CNTNAP5: variants seen among roughly 807,000 people sequenced by gnomAD.
The protein encoded by CNTNAP5 is contactin-associated protein-like 5.
A neutral mutation model predicts 150.2 loss-of-function variants in CNTNAP5; 72 were observed. The observed-to-expected ratio is 0.48, with a 90% CI of 0.40 to 0.58. The LOEUF (loss-of-function observed/expected upper bound fraction) is 0.58, where lower values mean the gene tolerates loss of function less well. Ranked by LOEUF, CNTNAP5 falls within the 20% of genes least tolerant of loss-of-function variation. CNTNAP5 has a pLI of 0.00. For missense variants in CNTNAP5, 1,636 were observed against 1,626.2 expected (o/e 1.01, Z -0.10); for synonymous variants, 672 against 619.8 (o/e 1.08, Z -1.25).
In CNTNAP5 at chr2:124,034,312, C is replaced by T. The variant is rs1019159781; in HGVS notation, c.82+8580C>T. 4.9e-4 allele frequency among the ~76,000 whole-genome samples: 75 copies of T among 152,282 alleles called. 1 individual carries two copies. Among genetic ancestry groups the T allele is most frequent in the Admixed American group, 4.6e-3 (71 of 15,290 alleles). ...ATTAATGAAACTCAGCATGGATTTT[C>T]TCATAATAACTAATAATACAGTGTA... is the stretch of plus-strand genomic sequence containing the variant. On this transcript the variant is annotated intron_variant, in intron 1 of 23. Transcript: ENST00000682447.
At chr2:124,813,467 G>A (rs376833893) in intron 19 of CNTNAP5, among the ~76,000 whole-genome samples, 1 of 151,350 alleles carries the variant, frequency 6.6e-6, no homozygotes, top group South Asian at 2.1e-4. Flanking sequence ...AACTTCAGCT[G>A]GTTACTGTAT....
Position 124,820,470 on chromosome 2 carries a change from G to GA in CNTNAP5, c.3217+22160dup, listed in dbSNP as rs11310462. Among the ~76,000 whole-genome samples, 1,385 of 142,036 alleles carry GA rather than the reference G, an allele frequency of 9.8e-3. 22 individuals are homozygous for GA. Among genetic ancestry groups the GA allele is most frequent in the African/African-American group, 0.033 (1,307 of 39,384 alleles). 93.2% of individuals were successfully genotyped at this position (142,036 alleles called of 152,430 possible). A position where few individuals can be genotyped will look rare whatever the true frequency, so the allele number is the denominator to read the frequency against. On this transcript the variant is annotated intron_variant, in intron 19 of 23. Coordinates refer to ENST00000682447, the MANE Select transcript of CNTNAP5 (RefSeq NM_001367498.1). ...CCTCAGGTGAGGTGGAAAGGAAGGG[G>GA]AAAAAAAAAACAATAAAAATGCAGC...
chr2:124,558,218 G>C (rs1212197445), intron 10 of CNTNAP5, among the ~76,000 whole-genome samples: 2 of 152,180 alleles, frequency 1.3e-5, no homozygotes, highest in Non-Finnish European at 2.9e-5. Context: ...AGGAACATCA[G>C]GGGAGGGGTG....
At chr2:124,293,044 T>C (rs1009737916) in intron 3 of CNTNAP5, among the ~76,000 whole-genome samples, 1 of 152,126 alleles carries the variant, frequency 6.6e-6, no homozygotes, top group Non-Finnish European at 1.5e-5. Context: ...TTTTAGTTTT[T>C]AAAAATAATT....
chr2:124,102,633 A>G (rs1197399515), intron 1 of CNTNAP5, among the ~76,000 whole-genome samples: 1 of 152,176 alleles, frequency 6.6e-6, no homozygotes, highest in African/African-American at 2.4e-5. Context: ...CATAAATTCA[A>G]ATAAGCCCCG....
chr2:124,731,323 G>A (rs186115839), intron 13 of CNTNAP5, among the ~76,000 whole-genome samples: 120 of 152,046 alleles, frequency 7.9e-4, no homozygotes, highest in African/African-American at 2.6e-3. Context: ...AAAGGTTCTT[G>A]CTGGCTCTTT....
intron 1 of CNTNAP5, among the ~76,000 whole-genome samples, chr2:124,090,496 T>C (rs1294725477): frequency 6.6e-6 from 1 of 152,190 alleles, no homozygotes; most frequent in African/African-American, 2.4e-5. Context: ...CTTTTATGTT[T>C]TATAAGATTC....
At chr2:124,230,951 T>G (rs1258133428) in intron 2 of CNTNAP5, among the ~76,000 whole-genome samples, 1 of 152,206 alleles carries the variant, frequency 6.6e-6, no homozygotes, top group Middle Eastern at 3.2e-3. Flanking sequence ...CTGTCCTAGC[T>G]GTCCCAGGCA....
intron 3 of CNTNAP5, among the ~76,000 whole-genome samples, chr2:124,281,368 C>T (rs1170807752): frequency 1.3e-5 from 2 of 152,092 alleles, no homozygotes; most frequent in East Asian, 1.9e-4. Flanking sequence ...TTATTTATTT[C>T]CCAAACTCCT....
chr2:124,498,801 C>A (rs1481828157), intron 7 of CNTNAP5, among the ~76,000 whole-genome samples: 2 of 152,180 alleles, frequency 1.3e-5, no homozygotes, highest in Admixed American at 6.5e-5. Flanking sequence ...CTTGGTTACA[C>A]TTCTCATGCC....
intron 1 of CNTNAP5, among the ~76,000 whole-genome samples, chr2:124,089,633 A>G (rs1390493124): frequency 6.6e-6 from 1 of 152,230 alleles, no homozygotes. Context: ...ATTTATCAAA[A>G]TTACAGAATT....
chr2:124,119,978 G>A (rs868396578), intron 1 of CNTNAP5, among the ~76,000 whole-genome samples: 2 of 152,244 alleles, frequency 1.3e-5, no homozygotes, highest in African/African-American at 2.4e-5. Context: ...TCTTATGACT[G>A]GGTTCCACCT....
At chr2:124,449,631 C>T (rs1692915371) in intron 6 of CNTNAP5, among the ~76,000 whole-genome samples, 1 of 152,122 alleles carries the variant, frequency 6.6e-6, no homozygotes, top group South Asian at 2.1e-4. Context: ...CTGATTTCTT[C>T]AGGGCGTGCA....
intron 1 of CNTNAP5, among the ~76,000 whole-genome samples, chr2:124,088,809 G>A (rs4362567): frequency 0.29 from 43,462 of 151,922 alleles, 6,538 homozygotes; most frequent in Admixed American, 0.37. Context: ...TCCCTACTTG[G>A]CTTTATTTGA....
chr2:124,134,680 T>C (rs1376706808), intron 1 of CNTNAP5, among the ~76,000 whole-genome samples: 2 of 152,138 alleles, frequency 1.3e-5, no homozygotes, highest in Non-Finnish European at 2.9e-5. Flanking sequence ...ATATAAATAA[T>C]TGGCTGCAGT....
At chr2:124,639,514 A>C (rs1162750821) in intron 12 of CNTNAP5, among the ~76,000 whole-genome samples, 1 of 152,118 alleles carries the variant, frequency 6.6e-6, no homozygotes, top group Non-Finnish European at 1.5e-5. Context: ...CTGCCTTTGG[A>C]TATCTCTTCA....
At chr2:124,835,647 G>T (rs756576222) in intron 19 of CNTNAP5, among the ~76,000 whole-genome samples, 37 of 152,126 alleles carry the variant, frequency 2.4e-4, no homozygotes, top group Non-Finnish European at 5.1e-4. Context: ...TAAGTGTCAG[G>T]CTTCTGGACA....
intron 3 of CNTNAP5, among the ~76,000 whole-genome samples, chr2:124,287,360 G>T (rs1688181839): frequency 6.6e-6 from 1 of 152,162 alleles, no homozygotes; most frequent in African/African-American, 2.4e-5. Flanking sequence ...AATTAGGGTT[G>T]ATAAAGGATT....
chr2:124,691,583 G>A (rs1313574680), intron 13 of CNTNAP5, among the ~76,000 whole-genome samples: 1 of 152,010 alleles, frequency 6.6e-6, no homozygotes, highest in African/African-American at 2.4e-5. Context: ...ATCTCATATT[G>A]TCTTGTAAAT....
Sources: gnomAD v4.1 joint callset for allele counts (sites outside exome capture counted in the v4.1 genomes callset) on GRCh38, gnomAD v4.1.1 for gene constraint, MANE v1.5 for transcripts, NCBI Gene and HGNC (gene_info 2026-07-23, HGNC 2026-07-21) for gene names.